CCDC18: variants seen among roughly 807,000 people sequenced by gnomAD.
CCDC18 encodes coiled-coil domain containing 18, also known as coiled-coil domain-containing protein 18.
Under a neutral mutation model 196.0 loss-of-function variants are expected in CCDC18, and 157 were observed. That is an observed-to-expected ratio of 0.80 (90% CI 0.70 to 0.91). CCDC18 has a LOEUF of 0.91. Ranked by LOEUF, CCDC18 falls within the 40% of genes least tolerant of loss-of-function variation. CCDC18 has a pLI of 0.00. For synonymous variants in CCDC18, 482 were observed against 529.2 expected (o/e 0.91, Z 1.22); for missense variants, 1,465 against 1,611.6 (o/e 0.91, Z 1.56).
chr1:93,241,194 A>G (rs951697043), intron 21 of CCDC18, among the ~76,000 whole-genome samples: 4 of 151,422 alleles, frequency 2.6e-5, no homozygotes, highest in Admixed American at 6.6e-5. Context: ...ACCTCAGGTG[A>G]TCCATCCACC....
Position 93,217,715 on chromosome 1 carries a change from T to G in CCDC18, c.1831-23T>G, listed in dbSNP as rs768421345. The G allele has an allele frequency of 5.0e-6, 8 of 1,592,720 alleles. No homozygotes were observed. In the South Asian group the frequency reaches 9.1e-5, roughly 18 times the overall value. ...TGGCCTCCCAAATCAATTATACTCCTTTAAAGTGTTTTGTGTTTCTAGGAA... is the reference window on the plus strand; with the variant it reads ...TGGCCTCCCAAATCAATTATACTCCGTTAAAGTGTTTTGTGTTTCTAGGAA... On this transcript the variant is annotated intron_variant, in intron 13 of 28. Transcript: ENST00000690025.
chr1:93,230,024 T>C (rs758513162), intron 17 of CCDC18, among the ~76,000 whole-genome samples: 2 of 151,836 alleles, frequency 1.3e-5, no homozygotes, highest in Non-Finnish European at 2.9e-5. Flanking sequence ...AAGCAACAAT[T>C]ATGAGACTTT....
intron 28 of CCDC18, 132 bp downstream of exon 28, chr1:93,270,946 C>T: frequency 1.4e-6 from 2 of 1,388,746 alleles, no homozygotes; most frequent in African/African-American, 1.5e-5. Context: ...ACATTTTATA[C>T]ATTAAGTAAA....
chr1:93,265,896 A>G (rs1031263479), intron 27 of CCDC18, among the ~76,000 whole-genome samples: 2 of 149,400 alleles, frequency 1.3e-5, no homozygotes, highest in Non-Finnish European at 3.0e-5. Flanking sequence ...GAGACAGAAA[A>G]TCAACAAGGA....
At position 93,232,425 on chromosome 1, in the gene CCDC18, G is replaced by A; in HGVS notation, c.2293-1G>A. On this transcript the variant is annotated splice_acceptor_variant, in intron 17 of 28. Coordinates refer to ENST00000690025, the MANE Select transcript of CCDC18 (RefSeq NM_001378204.1). LOFTEE classifies it high-confidence loss of function. ...GAGAGATATATATATATATTTGCCA[G>A]GTATATTGTTTACAGAAAGAGCTAA... is the stretch of plus-strand genomic sequence containing the variant. 2 of 1,555,426 alleles carry A rather than the reference G, an allele frequency of 1.3e-6. No individual in the cohort carries two copies. Among genetic ancestry groups the A allele is most frequent in the Non-Finnish European group, 1.8e-6 (2 of 1,137,328 alleles).
intron 6 of CCDC18, among the ~76,000 whole-genome samples, chr1:93,195,607 C>T (rs1003918818): frequency 6.6e-5 from 10 of 152,150 alleles, no homozygotes; most frequent in East Asian, 3.8e-4. Context: ...GCTCTGCTTT[C>T]GTGAATGGAT....
chr1:93,271,297 G>C, intron 28 of CCDC18: 1 of 985,186 alleles, frequency 1.0e-6, no homozygotes, highest in Non-Finnish European at 1.2e-6. Context: ...GCATGAATAA[G>C]GCCAACTGTC....
intron 23 of CCDC18, among the ~76,000 whole-genome samples, chr1:93,247,221 T>G (rs905172060): frequency 6.6e-6 from 1 of 151,568 alleles, no homozygotes; most frequent in Non-Finnish European, 1.5e-5. Context: ...GCGACCACAC[T>G]CTGTGGATCT....
Position 93,258,832 on chromosome 1 carries a change from A to G in CCDC18, c.3631A>G (p.Ile1211Val), listed in dbSNP as rs202089586. ...AHLEARMQAE[I>V]KKLSAEVESL... is the part of the protein sequence containing the mutation. Reference sequence around the variant, plus strand: ...TTTAGAAGCAAGAATGCAAGCAGAAATCAAGAAATTGTCAGCAGAAGTAGA... The same window carrying G: ...TTTAGAAGCAAGAATGCAAGCAGAAGTCAAGAAATTGTCAGCAGAAGTAGA... Residue 1211 changes from isoleucine to valine, a missense_variant, in exon 26 of 29, where the codon ATC becomes GTC. By Grantham distance (29) the Ile-to-Val change is conservative. Coordinates refer to ENST00000690025, the MANE Select transcript of CCDC18 (RefSeq NM_001378204.1). 269 of 1,601,794 alleles carry G rather than the reference A, an allele frequency of 1.7e-4. No individual in the cohort carries two copies. The African/African-American group carries it at 3.3e-3, about 20-fold the overall frequency.
chr1:93,236,780 G>C (rs1660124718), intron 19 of CCDC18, among the ~76,000 whole-genome samples: 1 of 151,986 alleles, frequency 6.6e-6, no homozygotes, highest in African/African-American at 2.4e-5. Context: ...ATTATATAGG[G>C]GAAGAATGAC....
At chr1:93,181,562 A>G (rs1404198059) in intron 1 of CCDC18, among the ~76,000 whole-genome samples, 1 of 152,186 alleles carries the variant, frequency 6.6e-6, no homozygotes, top group East Asian at 1.9e-4. Flanking sequence ...CACTAGGAAA[A>G]TGAAAACATT....
intron 14 of CCDC18, among the ~76,000 whole-genome samples, chr1:93,220,651 AC>A (rs1657277492): frequency 6.6e-6 from 1 of 152,110 alleles, no homozygotes; most frequent in African/African-American, 2.4e-5. Flanking sequence ...GTTCAGGGGT[AC>A]ACGTACAGGA....
intron 6 of CCDC18, chr1:93,199,622 T>C (rs1653468227): frequency 6.6e-6 from 1 of 152,294 alleles, no homozygotes; most frequent in African/African-American, 2.4e-5. Flanking sequence ...TTACAGCATT[T>C]TAAGCCCCAC....
At chr1:93,250,633 C>T (rs916211414) in intron 23 of CCDC18, among the ~76,000 whole-genome samples, 3 of 152,004 alleles carry the variant, frequency 2.0e-5, no homozygotes, top group Non-Finnish European at 4.4e-5. Context: ...TTTATATACT[C>T]GGGAGCTTTA....
At chr1:93,276,113 T>TAATTTTGTACA (rs1665608937) in intron 28 of CCDC18, among the ~76,000 whole-genome samples, 1 of 152,222 alleles carries the variant, frequency 6.6e-6, no homozygotes, top group African/African-American at 2.4e-5. Flanking sequence ...TAAATCCAGC[T>TAATTTTGTACA]CTGCTTCAGA....
At position 93,184,016 on chromosome 1, in the gene CCDC18, C is replaced by T. The variant is rs1650203019; in HGVS notation, c.173C>T (p.Pro58Leu). 4.4e-6 allele frequency: 7 copies of T among 1,574,598 alleles called. No individual in the cohort carries two copies. The highest frequency in any genetic ancestry group is 6.1e-6 in the Non-Finnish European group (7 of 1,156,064). The change falls in exon 3 of 29, where the codon CCT becomes CTT. Residue 58 changes from proline (P) to leucine (L), a missense_variant. Pro to Leu is a moderately conservative substitution (Grantham distance 98). Transcript: ENST00000690025. The part of the protein sequence containing the change: ...PSENSDYAPN[P>L]SRSEKLILDV... ...GAAAATTCTGATTATGCCCCTAATC[C>T]TTCAAGGTCTGAAAAGCTAATTTTG...
intron 26 of CCDC18, among the ~76,000 whole-genome samples, chr1:93,261,953 C>T (rs894742468): frequency 3.9e-5 from 6 of 152,032 alleles, no homozygotes; most frequent in African/African-American, 9.7e-5. Context: ...GGGGACACCT[C>T]GGGAAACTTA....
At chr1:93,232,142 G>A (rs1305939019) in intron 17 of CCDC18, among the ~76,000 whole-genome samples, 2 of 152,212 alleles carry the variant, frequency 1.3e-5, no homozygotes, top group African/African-American at 4.8e-5. Flanking sequence ...AGGAAGGCAT[G>A]TTTCAGTGCC....
At chr1:93,225,631 G>A (rs556232831) in intron 16 of CCDC18, among the ~76,000 whole-genome samples, 1 of 152,206 alleles carries the variant, frequency 6.6e-6, no homozygotes, top group South Asian at 2.1e-4. Flanking sequence ...ACAAAAATCA[G>A]CAAGACATGG....
Sources: gnomAD v4.1 joint callset for allele counts (sites outside exome capture counted in the v4.1 genomes callset) on GRCh38, gnomAD v4.1.1 for gene constraint, MANE v1.5 for transcripts, NCBI Gene and HGNC (gene_info 2026-07-23, HGNC 2026-07-21) for gene names.